Variants in CACNA1D observed in about 807,000 individuals in gnomAD.
CACNA1D encodes calcium voltage-gated channel subunit alpha1 D.
Under a neutral mutation model 257.1 loss-of-function variants are expected in CACNA1D, and 55 were observed. That is an observed-to-expected ratio of 0.21 (90% CI 0.17 to 0.27). The LOEUF is 0.27. Among genes scored for constraint, CACNA1D ranks in the 10% least tolerant of loss-of-function variants. The pLI, the probability that CACNA1D is intolerant of heterozygous loss-of-function variation, is 1.00. For missense variants in CACNA1D, 1,876 were observed against 2,784.0 expected (o/e 0.67, Z 7.34); for synonymous variants, 980 against 1,014.9 (o/e 0.97, Z 0.65).
At chr3:53,725,445 G>A (rs892740638) in intron 14 of CACNA1D, among the ~76,000 whole-genome samples, 1 of 152,278 alleles carries the variant, frequency 6.6e-6, no homozygotes, top group South Asian at 2.1e-4. Flanking sequence ...CACATGTGTT[G>A]GCTGTAGATC....
At position 53,718,286 on chromosome 3, in the gene CACNA1D, G is replaced by T; in HGVS notation, c.1391-15G>T. On this transcript the variant is annotated splice_polypyrimidine_tract_variant and intron_variant, in intron 9 of 47. Coordinates refer to ENST00000350061, the MANE Select transcript of CACNA1D (RefSeq NM_001128840.3). ...GTGCCCCGCATGCTCTCTGAAGCCCGTCTTCTCCCCACAGCTAGCATGCCC... is the reference window on the plus strand; with the variant it reads ...GTGCCCCGCATGCTCTCTGAAGCCCTTCTTCTCCCCACAGCTAGCATGCCC... 6.2e-7 allele frequency: 1 copy of T among 1,611,504 alleles called. No homozygotes were observed. Among genetic ancestry groups the T allele is most frequent in the South Asian group, 1.1e-5 (1 of 91,044 alleles).
chr3:53,603,343 G>A (rs112124539), intron 3 of CACNA1D, among the ~76,000 whole-genome samples: 4 of 152,278 alleles, frequency 2.6e-5, no homozygotes, highest in South Asian at 2.1e-4. Context: ...GGTTTGAATC[G>A]CACCTCGGAT....
intron 4 of CACNA1D, among the ~76,000 whole-genome samples, chr3:53,656,128 G>T (rs1417393385): frequency 6.6e-6 from 1 of 152,064 alleles, no homozygotes; most frequent in Non-Finnish European, 1.5e-5. Context: ...GCTATGTTCT[G>T]TTGGTCTGTG....
At chr3:53,771,160 C>G (rs1309097605) in intron 32 of CACNA1D, among the ~76,000 whole-genome samples, 1 of 152,106 alleles carries the variant, frequency 6.6e-6, no homozygotes, top group African/African-American at 2.4e-5. Flanking sequence ...AGTACCCTGC[C>G]CCAGACATTC....
At position 53,749,370 on chromosome 3, in the gene CACNA1D, A is replaced by G. The variant is rs748069078; in HGVS notation, c.3417A>G (p.Val1139=). The change falls in exon 27 of 48, where the codon GTA becomes GTG. Residue 1139 remains valine, a synonymous_variant. Coordinates refer to ENST00000350061, the MANE Select transcript of CACNA1D (RefSeq NM_001128840.3). ...TCTTCATCATCTACATCATCATTGT[A>G]GCTTTCTTCATGATGAACATCTTTG... The part of the protein sequence containing the change: ...SIFFIIYIII[V]AFFMMNIFVG... The G allele has an allele frequency of 1.7e-5, 28 of 1,610,966 alleles. No homozygotes were observed. The highest frequency in any genetic ancestry group is 2.4e-5 in the Non-Finnish European group (28 of 1,177,108).
At chr3:53,782,264 G>GTGTGTGTATATATATATA (rs6147823) in intron 39 of CACNA1D, 60 of 75,436 alleles carry the variant, frequency 8.0e-4, no homozygotes, top group African/African-American at 2.6e-3. Flanking sequence ...GTGTGTGTGT[G>GTGTGTGTATATATATATA]TATATATATA....
At chr3:53,792,276 G>C (rs2095487230) in intron 40 of CACNA1D, 1 of 152,200 alleles carries the variant, frequency 6.6e-6, no homozygotes, top group African/African-American at 2.4e-5. Flanking sequence ...TGGTCGATAA[G>C]GGTGTCTGAT....
intron 3 of CACNA1D, among the ~76,000 whole-genome samples, chr3:53,550,123 A>G (rs758902088): frequency 1.3e-5 from 2 of 152,122 alleles, no homozygotes; most frequent in African/African-American, 4.8e-5. Flanking sequence ...GCTCCCATGG[A>G]AAGGACTGAT....
At position 53,722,365 on chromosome 3, in the gene CACNA1D, C is replaced by G. The variant is rs144229993; in HGVS notation, c.1557C>G (p.Ala519=). The part of the protein sequence containing the change: ...NRFNRRRCRA[A]VKSVTFYWLV... ...TCAATCGCAGAAGATGTAGGGCCGCCGTGAAGTCTGTCACGTTTTACTGGC... is the reference window on the plus strand; with the variant it reads ...TCAATCGCAGAAGATGTAGGGCCGCGGTGAAGTCTGTCACGTTTTACTGGC... Residue 519 remains alanine (A), a synonymous_variant, in exon 12 of 48, where the codon GCC becomes GCG. Coordinates refer to ENST00000350061, the MANE Select transcript of CACNA1D (RefSeq NM_001128840.3). 1.9e-6 allele frequency: 3 copies of G among 1,614,212 alleles called. No homozygotes were observed. The highest frequency in any genetic ancestry group is 2.5e-6 in the Non-Finnish European group (3 of 1,180,042).
intron 9 of CACNA1D, among the ~76,000 whole-genome samples, chr3:53,710,846 T>C (rs1204980156): frequency 3.3e-5 from 5 of 152,232 alleles, no homozygotes; most frequent in Non-Finnish European, 7.3e-5. Context: ...GATTTTTTTT[T>C]CTCCAGGCTA....
chr3:53,800,696 G>T lies in CACNA1D; in HGVS notation c.5040+331G>T, dbSNP rs2095532133. The T allele has an allele frequency of 2.0e-6, 1 of 493,242 alleles. No homozygotes were observed. Among genetic ancestry groups the T allele is most frequent in the Non-Finnish European group, 3.7e-6 (1 of 270,362 alleles). The allele number at this position is 493,242 out of a possible 1,614,324, so 30.6% of individuals were successfully genotyped here. ...TGCTACCCTCCTCCTTCCCGGGCCAGCTCTTTGATCTGCCAGCTGGCTGTC... is the reference window on the plus strand; with the variant it reads ...TGCTACCCTCCTCCTTCCCGGGCCATCTCTTTGATCTGCCAGCTGGCTGTC... On this transcript the variant is annotated intron_variant, in intron 41 of 47. Coordinates refer to ENST00000350061, the MANE Select transcript of CACNA1D (RefSeq NM_001128840.3). The surrounding 1 kb of genome is among the most constrained non-coding windows in gnomAD (Gnocchi z 4.3).
At chr3:53,539,534 G>A (rs1212411872) in intron 3 of CACNA1D, among the ~76,000 whole-genome samples, 1 of 152,198 alleles carries the variant, frequency 6.6e-6, no homozygotes, top group African/African-American at 2.4e-5. Flanking sequence ...TTGATGTACA[G>A]TCAAGTTGTT....
At chr3:53,759,976 TC>T (rs1317954661) in intron 29 of CACNA1D, among the ~76,000 whole-genome samples, 1 of 152,234 alleles carries the variant, frequency 6.6e-6, no homozygotes, top group Non-Finnish European at 1.5e-5. Context: ...AAATAGCCCT[TC>T]CCATTAGACT....
intron 3 of CACNA1D, among the ~76,000 whole-genome samples, chr3:53,565,459 C>G (rs372539560): frequency 2.5e-4 from 38 of 152,262 alleles, no homozygotes; most frequent in African/African-American, 9.1e-4. Flanking sequence ...GTGGCTTGAG[C>G]TCTATTTATC....
intron 3 of CACNA1D, among the ~76,000 whole-genome samples, chr3:53,632,904 A>G (rs1292321861): frequency 6.6e-6 from 1 of 152,226 alleles, no homozygotes; most frequent in Non-Finnish European, 1.5e-5. Context: ...TCACCGTACC[A>G]GATACGATAA....
intron 44 of CACNA1D, among the ~76,000 whole-genome samples, chr3:53,804,203 C>T (rs1335841689): frequency 2.0e-5 from 3 of 152,198 alleles, no homozygotes; most frequent in African/African-American, 7.2e-5. Context: ...ACCAGGGGCC[C>T]AGTGAAGTGG....
At chr3:53,606,224 TGAAA>T (rs1373989358) in intron 3 of CACNA1D, among the ~76,000 whole-genome samples, 5 of 152,166 alleles carry the variant, frequency 3.3e-5, no homozygotes, top group Non-Finnish European at 7.4e-5. Flanking sequence ...CATTTTTCAC[TGAAA>T]GAAAAAGAGA....
chr3:53,722,851 G>A (rs2108716311), intron 12 of CACNA1D, among the ~76,000 whole-genome samples: 1 of 152,264 alleles, frequency 6.6e-6, no homozygotes, highest in Middle Eastern at 3.4e-3. Context: ...CTCCAGCACT[G>A]GGGTGTGGGA....
chr3:53,498,672 C>T (rs948953062), intron 2 of CACNA1D, among the ~76,000 whole-genome samples: 1 of 152,178 alleles, frequency 6.6e-6, no homozygotes, highest in African/African-American at 2.4e-5. Flanking sequence ...GAGCTGAAAT[C>T]CCCTTATAAT....
Sources: allele counts gnomAD v4.1 joint callset (sites outside exome capture counted in the v4.1 genomes callset), GRCh38; gene constraint gnomAD v4.1.1; non-coding constraint Gnocchi (gnomAD v3.1); transcripts MANE v1.5; gene names NCBI Gene and HGNC (gene_info 2026-07-23, HGNC 2026-07-21).